Variants in SYT16 observed in about 807,000 individuals in gnomAD.
The protein encoded by SYT16 is synaptotagmin-16.
SYT16 carries 42 observed loss-of-function variants against 61.4 expected under a neutral mutation model. The observed-to-expected ratio is 0.68, with a 90% CI of 0.53 to 0.89. The LOEUF (loss-of-function observed/expected upper bound fraction) is 0.89, where lower values mean the gene tolerates loss of function less well. SYT16 is among the 40% of genes least tolerant of loss of function. The pLI, the probability that SYT16 is intolerant of heterozygous loss-of-function variation, is 0.00. For synonymous variants in SYT16, 314 were observed against 302.3 expected (o/e 1.04, Z -0.40); for missense variants, 804 against 807.3 (o/e 1.00, Z 0.05).
At chr14:61,886,199 C>T (rs557481112) in intron 1 of SYT16, among the ~76,000 whole-genome samples, 3 of 151,946 alleles carry the variant, frequency 2.0e-5, no homozygotes, top group Non-Finnish European at 4.4e-5. Context: ...CTCCTGACCT[C>T]GTGATCCGCC....
intron 7 of SYT16, among the ~76,000 whole-genome samples, chr14:62,099,952 G>A (rs74326488): frequency 1.3e-5 from 2 of 152,262 alleles, no homozygotes; most frequent in East Asian, 3.9e-4. Context: ...ATATGAATAT[G>A]TAGAGAGTGA....
intron 3 of SYT16, among the ~76,000 whole-genome samples, chr14:62,018,645 G>A (rs923340285): frequency 4.6e-5 from 7 of 152,014 alleles, no homozygotes; most frequent in Non-Finnish European, 1.0e-4. Flanking sequence ...TTATGCTTTT[G>A]CACTAGCTGT....
At chr14:61,951,720 C>T (rs1171460488) in intron 1 of SYT16, among the ~76,000 whole-genome samples, 1 of 152,056 alleles carries the variant, frequency 6.6e-6, no homozygotes, top group East Asian at 1.9e-4. Flanking sequence ...ATTGAATATT[C>T]TCTGACATTT....
At chr14:61,910,530 GTTTTT>G (rs59595019) in intron 1 of SYT16, among the ~76,000 whole-genome samples, 2 of 142,770 alleles carry the variant, frequency 1.4e-5, no homozygotes, top group Non-Finnish European at 3.0e-5. Context: ...CCGCTGTTTT[GTTTTT>G]TTTTTTTTTT....
chr14:62,042,814 C>T (rs1409151862), intron 3 of SYT16, among the ~76,000 whole-genome samples: 4 of 152,194 alleles, frequency 2.6e-5, no homozygotes, highest in African/African-American at 9.7e-5. Context: ...GAAACCACCC[C>T]AGCCTTGTCT....
chr14:62,064,178 A>T (rs550942398), intron 3 of SYT16, among the ~76,000 whole-genome samples: 4 of 152,206 alleles, frequency 2.6e-5, no homozygotes, highest in African/African-American at 9.6e-5. Flanking sequence ...ATACTATCTT[A>T]TTGCTGAAAT....
At chr14:62,059,007 G>A (rs1030187356) in intron 3 of SYT16, among the ~76,000 whole-genome samples, 2 of 152,102 alleles carry the variant, frequency 1.3e-5, no homozygotes, top group African/African-American at 4.8e-5. Flanking sequence ...ACTTATAAGT[G>A]GGAGCTAAAT....
intron 3 of SYT16, among the ~76,000 whole-genome samples, chr14:62,029,871 T>G (rs778986215): frequency 6.6e-6 from 1 of 152,220 alleles, no homozygotes; most frequent in East Asian, 1.9e-4. Flanking sequence ...CACATTGATA[T>G]GTTTGTGTGT....
chr14:62,020,861 A>G (rs930095617), intron 3 of SYT16, among the ~76,000 whole-genome samples: 1 of 152,166 alleles, frequency 6.6e-6, no homozygotes, highest in Admixed American at 6.5e-5. Context: ...ATGCAGCCAC[A>G]TGGCTTCTCA....
At chr14:61,963,902 G>T (rs2051206783) in intron 1 of SYT16, among the ~76,000 whole-genome samples, 1 of 152,150 alleles carries the variant, frequency 6.6e-6, no homozygotes, top group Non-Finnish European at 1.5e-5. Flanking sequence ...AGTCTTGTCT[G>T]CCTGTGCTTT....
At chr14:61,897,884 C>T (rs1038832561) in intron 1 of SYT16, among the ~76,000 whole-genome samples, 8 of 152,106 alleles carry the variant, frequency 5.3e-5, no homozygotes, top group Admixed American at 1.3e-4. Context: ...TTCTTGAGCC[C>T]GGCAGGCTTT....
At chr14:62,051,250 C>T (rs188319304) in intron 3 of SYT16, among the ~76,000 whole-genome samples, 14 of 152,324 alleles carry the variant, frequency 9.2e-5, no homozygotes, top group Middle Eastern at 3.4e-3. Flanking sequence ...GAGGCTGTGT[C>T]GGCTTAGGAC....
chr14:62,090,713 G>T (rs991626319), intron 7 of SYT16, among the ~76,000 whole-genome samples: 1 of 152,094 alleles, frequency 6.6e-6, no homozygotes, highest in Non-Finnish European at 1.5e-5. Flanking sequence ...CAATAGAAAA[G>T]AAAAGATAGT....
chr14:61,970,805 A>G (rs548900178), intron 2 of SYT16, among the ~76,000 whole-genome samples: 15 of 152,324 alleles, frequency 9.8e-5, no homozygotes, highest in Non-Finnish European at 2.9e-5. Context: ...CTTAAAGGAC[A>G]TATTCTATTT....
At position 62,111,349 on chromosome 14, in the gene SYT16, T is replaced by C. The variant is rs1480442084; in HGVS notation, c.*10642T>C. On this transcript the variant is annotated 3_prime_UTR_variant, in exon 8 of 8. Coordinates refer to ENST00000683842, the MANE Select transcript of SYT16 (RefSeq NM_001367656.1). Reference sequence around the variant, plus strand: ...TTTTACCCTACATGGAGTACACTGTTCTTAGCAGGGAATGTGCTTTATATT... The same window carrying C: ...TTTTACCCTACATGGAGTACACTGTCCTTAGCAGGGAATGTGCTTTATATT... The C allele has an allele frequency of 6.6e-6, 1 of 152,106 alleles. No homozygotes were observed. The highest frequency in any genetic ancestry group is 1.5e-5 in the Non-Finnish European group (1 of 67,940). The allele number at this position is 152,106 out of a possible 1,614,324, so 9.4% of individuals were successfully genotyped here. A position where few individuals can be genotyped will look rare whatever the true frequency, so the allele number is the denominator to read the frequency against.
chr14:62,026,152 C>T (rs1296462377), intron 3 of SYT16, among the ~76,000 whole-genome samples: 1 of 152,094 alleles, frequency 6.6e-6, no homozygotes, highest in Non-Finnish European at 1.5e-5. Flanking sequence ...TTTTTGTTTG[C>T]TTAGCAACCT....
chr14:61,860,991 C>T (rs919759982), intron 1 of SYT16, among the ~76,000 whole-genome samples: 8 of 151,996 alleles, frequency 5.3e-5, no homozygotes, highest in South Asian at 4.2e-4. Context: ...GAGGCAGTGA[C>T]GAAAGTGGTA....
At chr14:61,813,917 A>G (rs2045347777) in intron 1 of SYT16, among the ~76,000 whole-genome samples, 1 of 152,092 alleles carries the variant, frequency 6.6e-6, no homozygotes, top group Admixed American at 6.5e-5. Flanking sequence ...CCAGCCAAGA[A>G]CACAGCTTTA....
chr14:62,090,475 A>G (rs916278459), intron 7 of SYT16, among the ~76,000 whole-genome samples: 9 of 152,212 alleles, frequency 5.9e-5, no homozygotes, highest in African/African-American at 2.2e-4. Context: ...GCAGGGAAAA[A>G]AAGACTCAGT....
Sources: gnomAD v4.1 joint callset for allele counts (sites outside exome capture counted in the v4.1 genomes callset) on GRCh38, gnomAD v4.1.1 for gene constraint, MANE v1.5 for transcripts, NCBI Gene and HGNC (gene_info 2026-07-23, HGNC 2026-07-21) for gene names.